Variants in NAV3 observed in about 807,000 individuals in gnomAD.
NAV3 encodes the protein neuron navigator 3, also known as pore membrane and/or filament interacting like protein 1.
NAV3 carries 87 observed loss-of-function variants against 244.7 expected under a neutral mutation model. The observed-to-expected ratio is 0.36, with a 90% CI of 0.30 to 0.42. The LOEUF (loss-of-function observed/expected upper bound fraction) is 0.42, where lower values mean the gene tolerates loss of function less well. Ranked by LOEUF, NAV3 falls within the 20% of genes least tolerant of loss-of-function variation. The pLI is 1.00. For synonymous variants in NAV3, 1,126 were observed against 1,042.2 expected, an observed-to-expected ratio of 1.08 and a Z score of -1.55; for missense variants, 2,663 against 2,893.3, an observed-to-expected ratio of 0.92 and a Z score of 1.83.
intron 3 of NAV3, among the ~76,000 whole-genome samples, chr12:77,946,121 T>TAG (rs1491564873): frequency 7.3e-6 from 1 of 136,878 alleles, no homozygotes; most frequent in African/African-American, 2.7e-5. Context: ...TATATATATA[T>TAG]TGTGTAAATA....
intron 2 of NAV3, among the ~76,000 whole-genome samples, chr12:77,632,252 A>C (rs188256107): frequency 7.2e-5 from 11 of 152,264 alleles, no homozygotes; most frequent in African/African-American, 2.6e-4. Context: ...TTCTTTGTAA[A>C]AAAGTTTAAT....
At chr12:77,689,663 A>T (rs1874915622) in intron 2 of NAV3, among the ~76,000 whole-genome samples, 1 of 151,998 alleles carries the variant, frequency 6.6e-6, no homozygotes, top group South Asian at 2.1e-4. Context: ...AAAAGAAAAA[A>T]TTATAAGGAA....
At chr12:78,150,764 A>G (rs1160778595) in intron 22 of NAV3, among the ~76,000 whole-genome samples, 1 of 151,772 alleles carries the variant, frequency 6.6e-6, no homozygotes, top group Non-Finnish European at 1.5e-5. Context: ...ATAATTTTAG[A>G]AAGGTTCCTG....
At chr12:77,673,031 G>A (rs1386318129) in intron 2 of NAV3, among the ~76,000 whole-genome samples, 1 of 152,072 alleles carries the variant, frequency 6.6e-6, no homozygotes, top group Non-Finnish European at 1.5e-5. Flanking sequence ...TCTTAGTGTT[G>A]TAGAAAGTAG....
intron 2 of NAV3, among the ~76,000 whole-genome samples, chr12:77,652,552 G>A (rs1872875179): frequency 6.6e-6 from 1 of 152,132 alleles, no homozygotes; most frequent in Admixed American, 6.5e-5. Context: ...CTAAAAAGAT[G>A]TATGCCTGTA....
chr12:77,738,757 T>C (rs1487938487), intron 2 of NAV3, among the ~76,000 whole-genome samples: 1 of 152,200 alleles, frequency 6.6e-6, no homozygotes, highest in Non-Finnish European at 1.5e-5. Context: ...ACGCCTGTAA[T>C]GCCAGGACTT....
At chr12:78,051,625 C>G (rs1242327533) in intron 11 of NAV3, among the ~76,000 whole-genome samples, 1 of 152,100 alleles carries the variant, frequency 6.6e-6, no homozygotes, top group East Asian at 1.9e-4. Flanking sequence ...AAGTTTCACT[C>G]TATTCATTTT....
intron 38 of NAV3, among the ~76,000 whole-genome samples, chr12:78,201,143 G>A (rs1279782421): frequency 2.8e-5 from 4 of 143,198 alleles, no homozygotes; most frequent in Non-Finnish European, 6.0e-5. Flanking sequence ...TAGAACCATG[G>A]CTCACTGCAG....
chr12:77,620,741 C>A (rs1871336949), intron 2 of NAV3, among the ~76,000 whole-genome samples: 1 of 152,070 alleles, frequency 6.6e-6, no homozygotes. Flanking sequence ...GGATTGCAGG[C>A]ATGAGCCATT....
At position 78,128,815 on chromosome 12, in the gene NAV3, C is replaced by T. The variant is rs2138854244; in HGVS notation, c.4390C>T (p.Pro1464Ser). Residue 1464 changes from proline to serine, a missense_variant, in exon 18 of 40, where the codon CCT becomes TCT. Physicochemically the swap from Pro to Ser is moderately conservative, Grantham distance 74 (BLOSUM62 -1). Transcript: ENST00000397909. Reference protein sequence around the residue: ...DTGNQSPLVSPSAMSSSAAGK... With the variant: ...DTGNQSPLVSSSAMSSSAAGK... Reference sequence around the variant, plus strand: ...TGGCAACCAGTCACCTCTGGTTTCCCCTTCTGCCATGTCATCTTCTGCAGC... The same window carrying T: ...TGGCAACCAGTCACCTCTGGTTTCCTCTTCTGCCATGTCATCTTCTGCAGC... 6.2e-7 allele frequency: 1 copy of T among 1,613,980 alleles called. No homozygotes were observed. Among genetic ancestry groups the T allele is most frequent in the Non-Finnish European group, 8.5e-7 (1 of 1,179,934 alleles).
Position 78,006,830 on chromosome 12 carries a change from A to G in NAV3, c.1292A>G (p.Asn431Ser), listed in dbSNP as rs1279989447. 1 of 1,614,200 alleles carries G rather than the reference A, an allele frequency of 6.2e-7. No homozygotes were observed. The highest frequency in any genetic ancestry group is 2.2e-5 in the East Asian group (1 of 44,870). Residue 431 changes from asparagine to serine, a missense_variant, in exon 8 of 40, where the codon AAT (asparagine) becomes AGT (serine). Transcript: ENST00000397909. ...ATGGAAGGTTTTAACAGTGGTCTGA[A>G]TAGTGGTGGCTCAACAAATAGCAGT... ...GEMEGFNSGL[N>S]SGGSTNSSPK...
chr12:77,696,410 A>G (rs901025105), intron 2 of NAV3, among the ~76,000 whole-genome samples: 3 of 152,160 alleles, frequency 2.0e-5, no homozygotes, highest in Non-Finnish European at 4.4e-5. Context: ...AGGAAGGAAC[A>G]AGGCCCTCAG....
intron 23 of NAV3, among the ~76,000 whole-genome samples, chr12:78,167,474 G>A (rs1427077862): frequency 6.6e-6 from 1 of 151,164 alleles, no homozygotes; most frequent in Non-Finnish European, 1.5e-5. Context: ...TGAGGTGCCA[G>A]GTATCTATTC....
At chr12:78,157,815 G>T (rs536935098) in intron 22 of NAV3, among the ~76,000 whole-genome samples, 1 of 151,216 alleles carries the variant, frequency 6.6e-6, no homozygotes, top group Non-Finnish European at 1.5e-5. Flanking sequence ...AGGGGGAGGA[G>T]AAAAAGAAGG....
At chr12:77,797,890 C>T (rs1871505053) in intron 2 of NAV3, among the ~76,000 whole-genome samples, 1 of 151,228 alleles carries the variant, frequency 6.6e-6, no homozygotes, top group Non-Finnish European at 1.5e-5. Flanking sequence ...TTTGTTTTAC[C>T]CGGTACAGTG....
intron 31 of NAV3, 136 bp from the exon 32 acceptor site, chr12:78,188,112 T>G (rs300514): frequency 0.43 from 268,951 of 628,278 alleles, 60,234 homozygotes; most frequent in Non-Finnish European, 0.48. Flanking sequence ...CATGTGTGTC[T>G]GTTACTATAG....
intron 2 of NAV3, among the ~76,000 whole-genome samples, chr12:77,674,509 C>T (rs752921248): frequency 1.3e-5 from 2 of 151,906 alleles, no homozygotes; most frequent in East Asian, 1.9e-4. Flanking sequence ...CAGCCTCCCA[C>T]GTAGCAAGTA....
chr12:77,690,527 T>A (rs1250560305), intron 2 of NAV3, among the ~76,000 whole-genome samples: 1 of 151,534 alleles, frequency 6.6e-6, no homozygotes, highest in African/African-American at 2.4e-5. Flanking sequence ...TTCTTCTTAC[T>A]GTCAAAGGCA....
chr12:78,055,044 CATGTATAT>C (rs1267374569), intron 11 of NAV3, among the ~76,000 whole-genome samples: 1 of 152,078 alleles, frequency 6.6e-6, no homozygotes, highest in East Asian at 1.9e-4. Flanking sequence ...TGTATGTATA[CATGTATAT>C]GTCTATTAAA....
Sources: gnomAD v4.1 joint callset for allele counts (sites outside exome capture counted in the v4.1 genomes callset) on GRCh38, gnomAD v4.1.1 for gene constraint, MANE v1.5 for transcripts, NCBI Gene and HGNC (gene_info 2026-07-23, HGNC 2026-07-21) for gene names.